MPHOSPH8: variants seen among roughly 807,000 people sequenced by gnomAD.
MPHOSPH8 encodes the protein M-phase phosphoprotein, mpp.
In MPHOSPH8, 45 loss-of-function variants were observed where a neutral mutation model predicts 87.3. The observed-to-expected ratio is 0.52, with a 90% CI of 0.41 to 0.66. The LOEUF (loss-of-function observed/expected upper bound fraction) is 0.66. MPHOSPH8 is among the 30% of genes least tolerant of loss of function. MPHOSPH8 has a pLI of 0.00. For missense variants in MPHOSPH8, 883 were observed against 1,020.2 expected (o/e 0.87, Z 1.83); for synonymous variants, 366 against 376.9 (o/e 0.97, Z 0.33).
chr13:19,661,086 G>A (rs576861078), intron 7 of MPHOSPH8: 5 of 362,996 alleles, frequency 1.4e-5, no homozygotes, highest in African/African-American at 4.4e-5. Context: ...TAGCAACACC[G>A]TCTCAATAAA....
At position 19,670,107 on chromosome 13, in the gene MPHOSPH8, T is replaced by G. The variant is rs576173482; in HGVS notation, c.2330-129T>G. The G allele has an allele frequency of 4.6e-6, 5 of 1,094,488 alleles. No individual in the cohort carries two copies. The Admixed American group carries it at 9.1e-5, about 20-fold the overall frequency. The allele number at this position is 1,094,488 out of a possible 1,614,324, so 67.8% of individuals were successfully genotyped here. On this transcript the variant is annotated intron_variant, in intron 11 of 13. Coordinates refer to ENST00000361479, the MANE Select transcript of MPHOSPH8 (RefSeq NM_017520.4). ...TGAGAGGGCCAGCCTCCTCTGAGCC[T>G]CCAGGCAGAGTGGGTGATGCCTGTC...
At chr13:19,636,627 G>T (rs993211242) in intron 1 of MPHOSPH8, among the ~76,000 whole-genome samples, 3 of 151,794 alleles carry the variant, frequency 2.0e-5, no homozygotes, top group African/African-American at 7.3e-5. Flanking sequence ...CTATAGGTGT[G>T]CTCTACCATG....
Position 19,661,734 on chromosome 13 carries a change from G to T in MPHOSPH8, c.1828G>T (p.Ala610Ser). ...SGMTLVMLAA[A>S]GGQDDLLRLL... is the part of the protein sequence containing the mutation. The stretch of plus-strand genomic sequence containing the variant: ...AATGACACTGGTGATGCTTGCCGCC[G>T]CCGGAGGGCAGGACGACCTCCTGCG... Residue 610 changes from alanine (A) to serine (S), a missense_variant, in exon 8 of 14, where the codon GCC (alanine) becomes TCC (serine). Physicochemically the swap from Ala to Ser is moderately conservative, Grantham distance 99 (BLOSUM62 1). This residue lies in a region of MPHOSPH8 where 741 missense variants were observed against 841.5 expected (regional missense o/e 0.88). Transcript: ENST00000361479. 1 of 1,610,360 alleles carries T rather than the reference G, an allele frequency of 6.2e-7. No homozygotes were observed. The highest frequency in any genetic ancestry group is 8.5e-7 in the Non-Finnish European group (1 of 1,177,596).
In MPHOSPH8 at chr13:19,671,168, T is replaced by G. The variant is rs528713387; in HGVS notation, c.2458-38T>G. The G allele has an allele frequency of 8.1e-6, 13 of 1,604,484 alleles. No individual in the cohort carries two copies. The South Asian group carries it at 1.5e-4, about 18-fold the overall frequency. On this transcript the variant is annotated intron_variant, in intron 12 of 13. Transcript: ENST00000361479. ...TGTTTTAAGGGCTTCTGGTGTAAGT[T>G]TGAAAACACTGACTTTTTTTTTCTC...
rs1214224007 is a variant in MPHOSPH8 at position 19,666,419 on chromosome 13, A to G, written c.2020-6A>G. On this transcript the variant is annotated splice_region_variant and splice_polypyrimidine_tract_variant and intron_variant, in intron 9 of 13. Transcript: ENST00000361479. ...AGTAATTGTTACTCCTTTTTACCTGACGTAGGCCTGTAAAAGAGGAAATTC... is the reference window on the plus strand; with the variant it reads ...AGTAATTGTTACTCCTTTTTACCTGGCGTAGGCCTGTAAAAGAGGAAATTC... The G allele has an allele frequency of 2.5e-6, 4 of 1,602,222 alleles. No individual in the cohort carries two copies. The highest frequency in any genetic ancestry group is 3.4e-6 in the Non-Finnish European group (4 of 1,170,472).
chr13:19,667,117 A>G (rs920463260), intron 10 of MPHOSPH8, among the ~76,000 whole-genome samples: 1 of 152,142 alleles, frequency 6.6e-6, no homozygotes, highest in African/African-American at 2.4e-5. Context: ...ACCTGAGATC[A>G]CACCACTGCA....
At chr13:19,667,680 C>T (rs879841520) in intron 10 of MPHOSPH8, among the ~76,000 whole-genome samples, 1 of 152,108 alleles carries the variant, frequency 6.6e-6, no homozygotes, top group Non-Finnish European at 1.5e-5. Flanking sequence ...CTTGATAGTG[C>T]ATTTCTGTTT....
Position 19,646,549 on chromosome 13 carries a change from A to G in MPHOSPH8, c.476A>G (p.Gln159Arg). The G allele has an allele frequency of 6.3e-7, 1 of 1,580,950 alleles. No individual in the cohort carries two copies. The highest frequency in any genetic ancestry group is 8.5e-7 in the Non-Finnish European group (1 of 1,172,268). Residue 159 changes from glutamine to arginine, a missense_variant, in exon 3 of 14, where the codon CAG (glutamine) becomes CGG (arginine). Around this residue, in one of 3 missense-constraint regions of MPHOSPH8, gnomAD observed 741 missense variants for 841.5 expected, o/e 0.88. Coordinates refer to ENST00000361479, the MANE Select transcript of MPHOSPH8 (RefSeq NM_017520.4). ...AAGAAGAAAAAGAAAAAATTGAGGCAGAGAGAAGAGAAAAGCCCAGATGAT... is the reference window on the plus strand; with the variant it reads ...AAGAAGAAAAAGAAAAAATTGAGGCGGAGAGAAGAGAAAAGCCCAGATGAT... ...SPKKKKKKLR[Q>R]REEKSPDDLK...
At chr13:19,659,773 T>C in intron 7 of MPHOSPH8, 1 of 305,638 alleles carries the variant, frequency 3.3e-6, no homozygotes, top group Non-Finnish European at 6.6e-6. Flanking sequence ...CCTCTAAAAG[T>C]GATGGTTTGG....
intron 1 of MPHOSPH8, 75 bp from the exon 2 acceptor site, chr13:19,642,040 G>GTTTTTTTT: frequency 7.2e-6 from 4 of 555,278 alleles, no homozygotes; most frequent in Non-Finnish European, 1.0e-5. Context: ...CTTCTCATCA[G>GTTTTTTTT]TTTTTTTTTT....
At chr13:19,649,034 T>C (rs1400957589) in intron 4 of MPHOSPH8, among the ~76,000 whole-genome samples, 1 of 152,224 alleles carries the variant, frequency 6.6e-6, no homozygotes, top group Non-Finnish European at 1.5e-5. Flanking sequence ...TAGGTTTTCT[T>C]ACTGAAAGCT....
intron 2 of MPHOSPH8, 87 bp downstream of exon 2, chr13:19,642,357 C>T: frequency 8.9e-7 from 1 of 1,127,704 alleles, no homozygotes; most frequent in Admixed American, 3.1e-5. Flanking sequence ...AAATGATTTA[C>T]AAATAACAAA....
Position 19,633,686 on chromosome 13 carries a change from G to C in MPHOSPH8, c.-63G>C, listed in dbSNP as rs1446439481. 1.3e-6 allele frequency: 2 copies of C among 1,530,648 alleles called. No individual in the cohort carries two copies. The highest frequency in any genetic ancestry group is 2.4e-5 in the East Asian group (1 of 40,928). The allele number at this position is 1,530,648 out of a possible 1,614,324, so 94.8% of individuals were successfully genotyped here. On this transcript the variant is annotated 5_prime_UTR_variant, in exon 1 of 14. Coordinates refer to ENST00000361479, the MANE Select transcript of MPHOSPH8 (RefSeq NM_017520.4). Reference sequence around the variant, plus strand: ...TGTGGAGTAGGGCCGAGCGCGGAACGCGAGGGGCTGCTGGGGTGTTTGTCG... The same window carrying C: ...TGTGGAGTAGGGCCGAGCGCGGAACCCGAGGGGCTGCTGGGGTGTTTGTCG...
At chr13:19,653,750 T>G (rs1874989256) in intron 5 of MPHOSPH8, among the ~76,000 whole-genome samples, 1 of 152,060 alleles carries the variant, frequency 6.6e-6, no homozygotes, top group Non-Finnish European at 1.5e-5. Context: ...GCACGAGAAC[T>G]TCATGAAGCA....
At chr13:19,656,301 CT>C (rs1309143289) in intron 5 of MPHOSPH8, among the ~76,000 whole-genome samples, 2 of 80,828 alleles carry the variant, frequency 2.5e-5, no homozygotes, top group East Asian at 9.4e-4. Flanking sequence ...AAAAAAAAAA[CT>C]GTCGTCATCA....
At position 19,648,493 on chromosome 13, in the gene MPHOSPH8, A is replaced by C; in HGVS notation, c.1290A>C (p.Lys430Asn). Residue 430 changes from lysine to asparagine, a missense_variant, in exon 4 of 14, where the codon AAA becomes AAC. Transcript: ENST00000361479. ...GGCATGATTCTGACAAGGAAGAAAA[A>C]GGCAGAAAAGAGCCAAAAGGATTAA... Reference protein sequence around the residue: ...QKRHDSDKEEKGRKEPKGLKT... With the variant: ...QKRHDSDKEENGRKEPKGLKT... 6.3e-7 allele frequency: 1 copy of C among 1,579,546 alleles called. No individual in the cohort carries two copies. Among genetic ancestry groups the C allele is most frequent in the African/African-American group, 1.4e-5 (1 of 73,186 alleles).
Position 19,646,799 on chromosome 13 carries a change from A to T in MPHOSPH8, c.726A>T (p.Thr242=). The T allele has an allele frequency of 6.3e-7, 1 of 1,584,990 alleles. No individual in the cohort carries two copies. The change falls in exon 3 of 14, where the codon ACA becomes ACT. Residue 242 remains threonine, a synonymous_variant. Coordinates refer to ENST00000361479, the MANE Select transcript of MPHOSPH8 (RefSeq NM_017520.4). ...AAATAAGAGATTTAAAGACGAAAAC[A>T]AGAGAAGATCCCAAAGAAAATAGAA... ...KGEIRDLKTK[T]REDPKENRKT...
chr13:19,657,135 A>C (rs1412295347), intron 5 of MPHOSPH8, among the ~76,000 whole-genome samples: 3 of 151,184 alleles, frequency 2.0e-5, no homozygotes, highest in Non-Finnish European at 4.4e-5. Context: ...AAAAAAAAAA[A>C]AAAAAAAGGC....
chr13:19,663,089 A>G lies in MPHOSPH8; in HGVS notation c.1982A>G (p.Asn661Ser), dbSNP rs1875634973. 1.2e-6 allele frequency: 2 copies of G among 1,614,102 alleles called. No individual in the cohort carries two copies. Among genetic ancestry groups the G allele is most frequent in the Non-Finnish European group, 1.7e-6 (2 of 1,179,896 alleles). Residue 661 changes from asparagine (N) to serine (S), a missense_variant, in exon 9 of 14, where the codon AAT (asparagine) becomes AGT (serine). Asn to Ser is a conservative substitution (Grantham distance 46). Transcript: ENST00000361479. ...CTTTTGGAAGCAGGAGCTTTTGTAA[A>G]TGTCCAGCAAAGCAATGGTGAGACT... ...AILLEAGAFV[N>S]VQQSNGETAL...
Sources: gnomAD v4.1 joint callset for allele counts (sites outside exome capture counted in the v4.1 genomes callset) on GRCh38, gnomAD v4.1.1 for gene constraint, gnomAD v4.1.1 regional missense constraint, MANE v1.5 for transcripts, NCBI Gene and HGNC (gene_info 2026-07-23, HGNC 2026-07-21) for gene names.